WDPCP: variants seen among roughly 807,000 people sequenced by gnomAD.
WDPCP encodes WD repeat-containing and planar cell polarity effector protein fritz homolog.
WDPCP carries 71 observed loss-of-function variants against 93.1 expected under a neutral mutation model. The observed-to-expected ratio is 0.76, with a 90% CI of 0.63 to 0.93. WDPCP has a LOEUF of 0.93. Ranked by LOEUF, WDPCP falls within the 40% of genes least tolerant of loss-of-function variation. WDPCP has a pLI of 0.00. For synonymous variants in WDPCP, 315 were observed against 315.0 expected (o/e 1.00, Z 0.00); for missense variants, 844 against 887.4 (o/e 0.95, Z 0.62).
intron 1 of WDPCP, among the ~76,000 whole-genome samples, chr2:63,565,687 T>C (rs990725516): frequency 3.3e-5 from 5 of 152,172 alleles, no homozygotes; most frequent in Non-Finnish European, 5.9e-5. Flanking sequence ...GAATCCCACA[T>C]TAGTTAAGCC....
intron 1 of WDPCP, among the ~76,000 whole-genome samples, chr2:63,525,861 G>C (rs1368425508): frequency 1.3e-5 from 2 of 152,196 alleles, no homozygotes; most frequent in Non-Finnish European, 2.9e-5. Context: ...TCCTGGGCAA[G>C]GCTGCCTTTC....
intron 1 of WDPCP, among the ~76,000 whole-genome samples, chr2:63,546,260 G>C (rs543664170): frequency 6.6e-6 from 1 of 152,168 alleles, no homozygotes; most frequent in African/African-American, 2.4e-5. Flanking sequence ...TATGCATGAC[G>C]TATGTGGAAA....
intron 2 of WDPCP, among the ~76,000 whole-genome samples, chr2:63,767,740 G>T (rs932663710): frequency 1.2e-4 from 18 of 152,032 alleles, no homozygotes; most frequent in African/African-American, 3.9e-4. Flanking sequence ...CTAGATAGAA[G>T]TCCTTTATTT....
intron 17 of WDPCP, among the ~76,000 whole-genome samples, chr2:63,142,907 TATATACACATAC>T (rs1199882887): frequency 5.7e-5 from 8 of 140,594 alleles, no homozygotes; most frequent in African/African-American, 2.2e-4. Flanking sequence ...CACATACATA[TATATACACATAC>T]ATATACACAC....
intron 1 of WDPCP, among the ~76,000 whole-genome samples, chr2:63,528,430 C>A (rs1208572345): frequency 2.4e-4 from 37 of 152,206 alleles, no homozygotes; most frequent in Admixed American, 2.4e-3. Flanking sequence ...CAGCTTTCTA[C>A]ATATGACTAG....
At chr2:63,255,425 G>A (rs1224793919) in intron 14 of WDPCP, among the ~76,000 whole-genome samples, 2 of 152,180 alleles carry the variant, frequency 1.3e-5, no homozygotes, top group Non-Finnish European at 2.9e-5. Context: ...GGCCTCATGG[G>A]AGGTGTTTGG....
At chr2:63,321,567 C>T (rs1474168453) in intron 12 of WDPCP, among the ~76,000 whole-genome samples, 1 of 152,122 alleles carries the variant, frequency 6.6e-6, no homozygotes, top group East Asian at 1.9e-4. Context: ...ATATCTCCTA[C>T]AATTTCTGCT....
rs370479356 is a variant in WDPCP, at chr2:63,602,934, C to CT, written n.488+47724dup. Among the ~76,000 whole-genome samples the CT allele has an allele frequency of 1.5e-3, 203 of 131,534 alleles. 10 individuals carry two copies. Among genetic ancestry groups the CT allele is most frequent in the Non-Finnish European group, 2.7e-3 (163 of 59,554 alleles). The allele number at this position is 131,534 out of a possible 152,430, so 86.3% of individuals were successfully genotyped here. A position where few individuals can be genotyped will look rare whatever the true frequency, so the allele number is the denominator to read the frequency against. On this transcript the variant is annotated intron_variant and non_coding_transcript_variant, in intron 3 of 4. Transcript: ENST00000467687. ...ACATAATACAGTTTATTTAACCGTTCTTTTTTTTTTTTTTTTTTTTTTTTT... is the reference window on the plus strand; with the variant it reads ...ACATAATACAGTTTATTTAACCGTTCTTTTTTTTTTTTTTTTTTTTTTTTTT...
chr2:63,322,811 C>T (rs942423936), intron 12 of WDPCP, among the ~76,000 whole-genome samples: 2 of 152,096 alleles, frequency 1.3e-5, no homozygotes, highest in Non-Finnish European at 2.9e-5. Flanking sequence ...GTGAGACTAT[C>T]GCCTATTGCC....
chr2:63,518,210 A>T (rs978670706), intron 1 of WDPCP: 1 of 152,262 alleles, frequency 6.6e-6, no homozygotes, highest in African/African-American at 2.4e-5. Flanking sequence ...TTAAAAAATT[A>T]TATTTTTAAT....
At chr2:63,806,207 C>T (rs187556307) in intron 2 of WDPCP, among the ~76,000 whole-genome samples, 46 of 152,230 alleles carry the variant, frequency 3.0e-4, no homozygotes, top group Admixed American at 7.8e-4. Context: ...TCCTAAGCGT[C>T]GGCCAGCTTG....
At position 63,447,199 on chromosome 2, in the gene WDPCP, T is replaced by C. The variant is rs114113955; in HGVS notation, c.385-7328A>G. Among the ~76,000 whole-genome samples, 659 of 152,200 alleles carry C rather than the reference T, an allele frequency of 4.3e-3. 3 individuals are homozygous for C. Among genetic ancestry groups the C allele is most frequent in the Non-Finnish European group, 7.6e-3 (520 of 67,994 alleles). On this transcript the variant is annotated intron_variant, in intron 6 of 17. Coordinates refer to ENST00000272321, the MANE Select transcript of WDPCP (RefSeq NM_015910.7). ...AAAACAAGAGTAGTATGGGTACATA[T>C]ACGTATAAAGAAATTGTAGAAACAC...
intron 3 of WDPCP, among the ~76,000 whole-genome samples, chr2:63,617,782 C>T (rs2106633825): frequency 6.6e-6 from 1 of 152,184 alleles, no homozygotes; most frequent in East Asian, 1.9e-4. Flanking sequence ...TTATTTTAGG[C>T]AGTTGAGATA....
chr2:63,422,304 A>G (rs1241719088), intron 9 of WDPCP, among the ~76,000 whole-genome samples: 4 of 152,242 alleles, frequency 2.6e-5, no homozygotes, highest in Admixed American at 2.6e-4. Context: ...CCACTGGCCT[A>G]AGATGGGACA....
chr2:63,252,693 A>G (rs545495546), intron 14 of WDPCP, among the ~76,000 whole-genome samples: 4 of 152,286 alleles, frequency 2.6e-5, no homozygotes, highest in Admixed American at 6.5e-5. Context: ...CAAACAAAAT[A>G]AAATACATAG....
At chr2:63,175,565 G>A (rs563864121) in intron 14 of WDPCP, among the ~76,000 whole-genome samples, 1 of 152,282 alleles carries the variant, frequency 6.6e-6, no homozygotes, top group East Asian at 1.9e-4. Context: ...TTGCAAAACT[G>A]AAACTGCACC....
intron 9 of WDPCP, among the ~76,000 whole-genome samples, chr2:63,413,379 G>T (rs1695165535): frequency 1.3e-5 from 2 of 152,194 alleles, no homozygotes; most frequent in Non-Finnish European, 2.9e-5. Context: ...ACTCAAGATG[G>T]ATGAAGGACT....
At chr2:63,242,705 G>A (rs539214516) in intron 14 of WDPCP, among the ~76,000 whole-genome samples, 10 of 152,282 alleles carry the variant, frequency 6.6e-5, no homozygotes, top group African/African-American at 2.4e-4. Flanking sequence ...TGCTTTTACA[G>A]TAACTGGTGT....
At chr2:63,680,336 C>T (rs549633589) in intron 2 of WDPCP, among the ~76,000 whole-genome samples, 2 of 152,344 alleles carry the variant, frequency 1.3e-5, no homozygotes, top group South Asian at 4.1e-4. Flanking sequence ...GCCACCCCCT[C>T]CCCCATTCAG....
Sources: gnomAD v4.1 joint callset for allele counts (sites outside exome capture counted in the v4.1 genomes callset) on GRCh38, gnomAD v4.1.1 for gene constraint, MANE v1.5 for transcripts, NCBI Gene and HGNC (gene_info 2026-07-23, HGNC 2026-07-21) for gene names.